The following DMRT1 variants were observed in gnomAD, a reference collection of about 807,000 sequenced individuals.
The protein encoded by DMRT1 is doublesex and mab-3 related transcription factor 1.
Under a neutral mutation model 32.3 loss-of-function variants are expected in DMRT1, and 7 were observed. The ratio of observed to expected loss-of-function variants is 0.22; its 90% confidence interval spans 0.12 to 0.41. The LOEUF (loss-of-function observed/expected upper bound fraction) is 0.41. Among genes scored for constraint, DMRT1 ranks in the 10% least tolerant of loss-of-function variants. DMRT1 has a pLI of 1.00. For missense variants in DMRT1, 625 were observed against 500.5 expected, an observed-to-expected ratio of 1.25 and a Z score of -2.37; for synonymous variants, 278 against 206.1, an observed-to-expected ratio of 1.35 and a Z score of -2.99.
At chr9:857,372 C>T (rs1350532342) in intron 2 of DMRT1, among the ~76,000 whole-genome samples, 2 of 152,122 alleles carry the variant, frequency 1.3e-5, no homozygotes, top group South Asian at 2.1e-4. Context: ...TCTTTGAAAA[C>T]GTTCCTTTCT....
intron 4 of DMRT1, among the ~76,000 whole-genome samples, chr9:921,657 C>G (rs1178898947): frequency 6.6e-6 from 1 of 152,050 alleles, no homozygotes; most frequent in African/African-American, 2.4e-5. Context: ...CACTTGTTTT[C>G]CATTTAAAAA....
rs772131983 is a variant in DMRT1 at position 968,078 on chromosome 9, G to A, written c.1061G>A (p.Cys354Tyr). The part of the protein sequence containing the change: ...SNKSTKAVLE[C>Y]EPASEPSSFT... ...AAGAGCACAAAGGCAGTGCTTGAAT[G>A]TGAGCCTGCGTCGGAGCCCAGCAGC... Residue 354 changes from cysteine (C) to tyrosine (Y), a missense_variant, in exon 5 of 5, where the codon TGT (cysteine) becomes TAT (tyrosine). By Grantham distance (194) the Cys-to-Tyr change is radical (BLOSUM62 -2). This residue lies in a region of DMRT1 where 416 missense variants were observed against 321.6 expected (regional missense o/e 1.29). Transcript: ENST00000382276. 2 of 1,614,172 alleles carry A rather than the reference G, an allele frequency of 1.2e-6. No homozygotes were observed. The highest frequency in any genetic ancestry group is 1.7e-6 in the Non-Finnish European group (2 of 1,180,046).
At chr9:915,464 GA>G (rs973502784) in intron 3 of DMRT1, among the ~76,000 whole-genome samples, 12 of 149,132 alleles carry the variant, frequency 8.0e-5, no homozygotes, top group African/African-American at 3.0e-4. Context: ...CTGGTTGCCG[GA>G]AAAAAATGAA....
intron 4 of DMRT1, among the ~76,000 whole-genome samples, chr9:957,388 A>G (rs1819633848): frequency 6.6e-6 from 1 of 152,248 alleles, no homozygotes; most frequent in African/African-American, 2.4e-5. Context: ...TACATGTATT[A>G]AAGAATTTTA....
intron 4 of DMRT1, among the ~76,000 whole-genome samples, chr9:943,329 T>C (rs1034986702): frequency 2.0e-5 from 3 of 152,194 alleles, no homozygotes; most frequent in Admixed American, 6.5e-5. Context: ...ACCTGTGTAC[T>C]TGAAAAACAG....
chr9:877,922 A>G (rs1305865068), intron 2 of DMRT1, among the ~76,000 whole-genome samples: 1 of 152,180 alleles, frequency 6.6e-6, no homozygotes, highest in East Asian at 1.9e-4. Context: ...ACAATGACCC[A>G]TGGTTGGCTT....
chr9:908,437 G>A (rs1380864819), intron 3 of DMRT1, among the ~76,000 whole-genome samples: 2 of 149,878 alleles, frequency 1.3e-5, no homozygotes, highest in East Asian at 3.9e-4. Context: ...CAGGCTGGGC[G>A]ACAGAGAGAC....
intron 2 of DMRT1, among the ~76,000 whole-genome samples, chr9:852,581 C>T (rs1451391875): frequency 1.3e-5 from 2 of 152,172 alleles, no homozygotes; most frequent in African/African-American, 4.8e-5. Context: ...TTCTCTTCCT[C>T]TCCTTTTCTG....
chr9:866,426 G>C (rs759620847), intron 2 of DMRT1, among the ~76,000 whole-genome samples: 2 of 150,874 alleles, frequency 1.3e-5, no homozygotes, highest in Non-Finnish European at 2.9e-5. Context: ...AGCTGAACTA[G>C]GTGTGTCACA....
chr9:864,212 CTTTTT>C (rs5895867), intron 2 of DMRT1, among the ~76,000 whole-genome samples: 2 of 135,006 alleles, frequency 1.5e-5, no homozygotes, highest in Non-Finnish European at 3.2e-5. Flanking sequence ...TCTTTTTTTT[CTTTTT>C]TTTTTTTTGA....
At chr9:876,036 G>A (rs930760994) in intron 2 of DMRT1, among the ~76,000 whole-genome samples, 1 of 152,198 alleles carries the variant, frequency 6.6e-6, no homozygotes, top group African/African-American at 2.4e-5. Context: ...GACACAGTAT[G>A]GCATGCTTTG....
intron 2 of DMRT1, among the ~76,000 whole-genome samples, chr9:854,012 C>G (rs28865678): frequency 0.29 from 43,507 of 151,292 alleles, 6,501 homozygotes; most frequent in African/African-American, 0.38. Flanking sequence ...TTGTTGCCCA[C>G]GCTGGTCTTG....
chr9:899,860 T>G (rs1363504685), intron 3 of DMRT1, among the ~76,000 whole-genome samples: 1 of 152,250 alleles, frequency 6.6e-6, no homozygotes, highest in Admixed American at 6.5e-5. Context: ...TGACTGCTTT[T>G]CCAAAGCTTG....
At chr9:885,759 G>A (rs1431946382) in intron 2 of DMRT1, among the ~76,000 whole-genome samples, 1 of 152,170 alleles carries the variant, frequency 6.6e-6, no homozygotes, top group African/African-American at 2.4e-5. Flanking sequence ...ACAGGCTTCT[G>A]CAGTGGAGCC....
At chr9:939,926 C>T (rs867645954) in intron 4 of DMRT1, among the ~76,000 whole-genome samples, 22 of 152,106 alleles carry the variant, frequency 1.4e-4, no homozygotes, top group South Asian at 2.1e-4. Flanking sequence ...TCTCCAAAGA[C>T]GATACATAAA....
chr9:924,087 T>TCC (rs763760062), intron 4 of DMRT1, among the ~76,000 whole-genome samples: 16,852 of 65,476 alleles, frequency 0.26, 1,361 homozygotes, highest in South Asian at 0.43. Flanking sequence ...TTTTTTTTTT[T>TCC]TCCACCTGGA....
chr9:898,304 G>A (rs902050913), intron 3 of DMRT1, among the ~76,000 whole-genome samples: 1 of 152,036 alleles, frequency 6.6e-6, no homozygotes, highest in African/African-American at 2.4e-5. Context: ...ATTTTTAGTG[G>A]ACATGGGGTT....
chr9:894,315 GAC>G (rs1239644718), intron 3 of DMRT1, 120 bp downstream of exon 3: 15 of 1,066,064 alleles, frequency 1.4e-5, no homozygotes, highest in Non-Finnish European at 2.0e-5. Context: ...ACACACAGGT[GAC>G]ACACACAGGT....
At chr9:897,113 A>G (rs1399583177) in intron 3 of DMRT1, among the ~76,000 whole-genome samples, 1 of 148,362 alleles carries the variant, frequency 6.7e-6, no homozygotes, top group African/African-American at 2.5e-5. Flanking sequence ...TATTATTATT[A>G]TTATTATTAT....
Sources: gnomAD v4.1 joint callset for allele counts (sites outside exome capture counted in the v4.1 genomes callset) on GRCh38, gnomAD v4.1.1 for gene constraint, gnomAD v4.1.1 regional missense constraint, MANE v1.5 for transcripts, NCBI Gene and HGNC (gene_info 2026-07-23, HGNC 2026-07-21) for gene names.